The following STK3 variants were observed in gnomAD, a reference collection of about 807,000 sequenced individuals.
STK3 encodes serine/threonine-protein kinase 3.
A neutral mutation model predicts 58.0 loss-of-function variants in STK3; 41 were observed. That is an observed-to-expected ratio of 0.71 (90% CI 0.55 to 0.92). STK3 has a LOEUF of 0.92. Among genes scored for constraint, STK3 ranks in the 40% least tolerant of loss-of-function variants. The pLI is 0.00. For missense variants in STK3, 479 were observed against 602.7 expected (o/e 0.79, Z 2.15); for synonymous variants, 170 against 191.0 (o/e 0.89, Z 0.91).
At position 98,428,193 on chromosome 8, in the gene STK3, G is replaced by T. The variant is rs1255341726; in HGVS notation, n.483+5934C>A. 6.2e-7 allele frequency: 1 copy of T among 1,613,986 alleles called. No individual in the cohort carries two copies. On this transcript the variant is annotated intron_variant and non_coding_transcript_variant, in intron 3 of 3. Coordinates refer to the STK3 transcript ENST00000517832. This position sits in a 1 kb window ranked among gnomAD's most constrained non-coding sequence, Gnocchi z 6.7. Reference sequence around the variant, plus strand: ...CGACGTCCAGCGGGAGTTCTACTTCGACCGCAACCCTGAGCTCTTCCCCTA... The same window carrying T: ...CGACGTCCAGCGGGAGTTCTACTTCTACCGCAACCCTGAGCTCTTCCCCTA...
downstream of STK3, among the ~76,000 whole-genome samples, chr8:98,368,330 A>G (rs1218200295): frequency 3.9e-5 from 6 of 152,308 alleles, no homozygotes; most frequent in East Asian, 1.2e-3. Flanking sequence ...TCGCTGAAAC[A>G]GTCTCTGCAG....
At chr8:98,484,202 C>T (rs1246795017) in intron 10 of STK3, among the ~76,000 whole-genome samples, 1 of 151,902 alleles carries the variant, frequency 6.6e-6, no homozygotes, top group Non-Finnish European at 1.5e-5. Flanking sequence ...ACCAGGAGGC[C>T]ATTTAAACAA....
intron 6 of STK3, among the ~76,000 whole-genome samples, chr8:98,678,238 A>T (rs1486800411): frequency 1.3e-5 from 2 of 152,192 alleles, no homozygotes; most frequent in Non-Finnish European, 2.9e-5. Context: ...AGGTTAAAAA[A>T]AATAATAATT....
chr8:98,574,623 C>T (rs1281978906), intron 8 of STK3, among the ~76,000 whole-genome samples: 1 of 152,158 alleles, frequency 6.6e-6, no homozygotes, highest in Admixed American at 6.5e-5. Context: ...AGGAGACCCA[C>T]AAAGTGTTTT....
chr8:98,363,062 C>T, the STK3 span, among the ~76,000 whole-genome samples: 1 of 152,214 alleles, frequency 6.6e-6, no homozygotes, highest in African/African-American at 2.4e-5. Flanking sequence ...AATGTATACT[C>T]CACCCTCTTC....
chr8:98,707,461 G>A (rs1407925243), intron 4 of STK3, 150 bp from the exon 5 acceptor site: 17 of 585,608 alleles, frequency 2.9e-5, no homozygotes. Flanking sequence ...ACAGTGCAGT[G>A]GTGTGATGAT....
chr8:98,743,185 C>T (rs1325365554), intron 4 of STK3, among the ~76,000 whole-genome samples: 3 of 151,876 alleles, frequency 2.0e-5, no homozygotes, highest in Non-Finnish European at 4.4e-5. Flanking sequence ...AATGCCATCC[C>T]CATCAAGCTA....
the STK3 span, among the ~76,000 whole-genome samples, chr8:98,351,736 GA>G: frequency 6.6e-6 from 1 of 152,174 alleles, no homozygotes; most frequent in South Asian, 2.1e-4. Context: ...CATTCAGGCT[GA>G]TTCTGAAATA....
At chr8:98,743,529 G>A (rs577438390) in intron 4 of STK3, among the ~76,000 whole-genome samples, 2 of 151,870 alleles carry the variant, frequency 1.3e-5, no homozygotes, top group African/African-American at 2.4e-5. Context: ...ACTGGCTAGC[G>A]ACATGTAGAA....
At chr8:98,650,532 A>C (rs1023984623) in intron 6 of STK3, among the ~76,000 whole-genome samples, 1 of 152,222 alleles carries the variant, frequency 6.6e-6, no homozygotes, top group East Asian at 1.9e-4. Flanking sequence ...CAAAGCAGGG[A>C]GAGGTATTGC....
intron 1 of STK3, among the ~76,000 whole-genome samples, chr8:98,386,963 C>T (rs944293322): frequency 1.3e-5 from 2 of 151,788 alleles, no homozygotes; most frequent in Admixed American, 6.6e-5. Flanking sequence ...GTCTCAAAAA[C>T]GAACAAACAA....
At chr8:98,852,048 A>T (rs1836489169) in intron 3 of STK3, among the ~76,000 whole-genome samples, 1 of 152,224 alleles carries the variant, frequency 6.6e-6, no homozygotes, top group Admixed American at 6.5e-5. Flanking sequence ...AAGAGACAGA[A>T]AGACAAGAGA....
upstream of STK3, among the ~76,000 whole-genome samples, chr8:98,392,606 A>G (rs980139265): frequency 6.6e-6 from 1 of 152,228 alleles, no homozygotes; most frequent in African/African-American, 2.4e-5. Flanking sequence ...CTCTCTTCTC[A>G]GACTGCCCCA....
Position 98,591,696 on chromosome 8 carries a change from T to C in STK3, c.822+4336A>G, listed in dbSNP as rs143766012. ...GATTTTGAGATTAAGAATGTTAAGC[T>C]CTATAGACTAACTGTAGCATAACAC... On this transcript the variant is annotated intron_variant, in intron 7 of 10. Transcript: ENST00000419617. Among the ~76,000 whole-genome samples, 629 of 152,312 alleles carry C rather than the reference T, an allele frequency of 4.1e-3. 4 individuals carry two copies. The highest frequency in any genetic ancestry group is 5.6e-3 in the Non-Finnish European group (378 of 68,030).
rs913952234 is a variant in STK3, at chr8:98,666,938, A to G, written c.684+39529T>C. On this transcript the variant is annotated intron_variant, in intron 6 of 10. Transcript: ENST00000419617. ...CTCAACAGTGTAAACCTTAATTCGT[A>G]TATCTTGACTGCCCAGAGCCTTCCA... is the stretch of plus-strand genomic sequence containing the variant. Among the ~76,000 whole-genome samples the G allele has an allele frequency of 6.6e-5, 10 of 152,144 alleles. No homozygotes were observed. In the East Asian group the frequency reaches 7.7e-4, roughly 12 times the overall value.
intron 6 of STK3, chr8:98,597,746 C>A (rs1214146218): frequency 1.0e-6 from 1 of 984,868 alleles, no homozygotes; most frequent in East Asian, 1.1e-4. Context: ...AATATCAGAC[C>A]TTATAAACCC....
intron 6 of STK3, among the ~76,000 whole-genome samples, chr8:98,623,490 A>T (rs1818483879): frequency 6.6e-6 from 1 of 152,160 alleles, no homozygotes; most frequent in Non-Finnish European, 1.5e-5. Flanking sequence ...TACATTCAAA[A>T]CCAAAGGCCA....
At chr8:98,508,892 CAA>C (rs998231426) in intron 10 of STK3, among the ~76,000 whole-genome samples, 1 of 151,970 alleles carries the variant, frequency 6.6e-6, no homozygotes, top group African/African-American at 2.4e-5. Context: ...TTTAATGACA[CAA>C]AAGATTTAGG....
At chr8:98,547,411 T>G (rs1402477185) in intron 9 of STK3, among the ~76,000 whole-genome samples, 3 of 152,210 alleles carry the variant, frequency 2.0e-5, no homozygotes, top group Non-Finnish European at 2.9e-5. Flanking sequence ...TGTTTGATCA[T>G]CATTTTAGCC....
Sources: allele counts gnomAD v4.1 joint callset (sites outside exome capture counted in the v4.1 genomes callset), GRCh38; gene constraint gnomAD v4.1.1; non-coding constraint Gnocchi (gnomAD v3.1); transcripts MANE v1.5; gene names NCBI Gene and HGNC (gene_info 2026-07-23, HGNC 2026-07-21).